Variants in GRM8 observed in about 807,000 individuals in gnomAD.
GRM8 encodes the protein metabotropic glutamate receptor 8.
Under a neutral mutation model 87.2 loss-of-function variants are expected in GRM8, and 47 were observed. That is an observed-to-expected ratio of 0.54 (90% CI 0.43 to 0.69). The LOEUF is 0.69. GRM8 is among the 30% of genes least tolerant of loss of function. The probability of loss-of-function intolerance (pLI) is 0.00; values close to 1 mark genes in which losing one functional copy is unlikely to be tolerated. For missense variants in GRM8, 1,019 were observed against 1,139.2 expected (o/e 0.89, Z 1.52); for synonymous variants, 396 against 404.5 (o/e 0.98, Z 0.25).
chr7:126,834,231 G>T (rs997307721), intron 6 of GRM8, among the ~76,000 whole-genome samples: 3 of 152,060 alleles, frequency 2.0e-5, no homozygotes, highest in African/African-American at 7.2e-5. Flanking sequence ...GAGGCAAAAG[G>T]AAAACACCTG....
chr7:126,834,158 T>C (rs1795642500), intron 6 of GRM8, among the ~76,000 whole-genome samples: 1 of 152,214 alleles, frequency 6.6e-6, no homozygotes, highest in African/African-American at 2.4e-5. Context: ...ATAGATGTAC[T>C]CAGTGTCCAA....
chr7:127,140,388 CTG>C (rs1828197809), intron 2 of GRM8, among the ~76,000 whole-genome samples: 2 of 152,162 alleles, frequency 1.3e-5, no homozygotes, highest in Non-Finnish European at 1.5e-5. Flanking sequence ...TTGAGAAACA[CTG>C]TTCTATTTTC....
intron 7 of GRM8, among the ~76,000 whole-genome samples, chr7:126,693,672 T>A (rs1006474042): frequency 4.6e-5 from 7 of 152,170 alleles, no homozygotes; most frequent in Non-Finnish European, 1.0e-4. Context: ...TTGGAAGTAG[T>A]GTTTCTGAAC....
intron 8 of GRM8, among the ~76,000 whole-genome samples, chr7:126,572,116 A>T (rs956148087): frequency 2.6e-5 from 4 of 152,198 alleles, no homozygotes; most frequent in African/African-American, 9.7e-5. Flanking sequence ...CTGGTCTTGG[A>T]AGACACTGAA....
At chr7:126,571,874 G>T (rs1325364403) in intron 8 of GRM8, among the ~76,000 whole-genome samples, 1 of 151,902 alleles carries the variant, frequency 6.6e-6, no homozygotes, top group African/African-American at 2.4e-5. Context: ...CCGAGTAGCT[G>T]GGATTACAGA....
At chr7:126,728,609 A>G (rs1312837127) in intron 7 of GRM8, among the ~76,000 whole-genome samples, 1 of 152,202 alleles carries the variant, frequency 6.6e-6, no homozygotes, top group Admixed American at 6.6e-5. Context: ...ATAAGAAAAT[A>G]AAAACATACA....
At chr7:126,473,429 C>T (rs564322958) in intron 9 of GRM8, among the ~76,000 whole-genome samples, 37 of 152,244 alleles carry the variant, frequency 2.4e-4, no homozygotes, top group Middle Eastern at 3.4e-3. Flanking sequence ...TTCATTTTGG[C>T]GAATTTCTCC....
chr7:127,115,208 ACC>A (rs1826628922), intron 2 of GRM8, among the ~76,000 whole-genome samples: 1 of 152,112 alleles, frequency 6.6e-6, no homozygotes, highest in African/African-American at 2.4e-5. Context: ...GCACAAAGGA[ACC>A]TTCCACGGCA....
chr7:127,175,806 G>A (rs779229453), intron 2 of GRM8, among the ~76,000 whole-genome samples: 2 of 151,970 alleles, frequency 1.3e-5, no homozygotes, highest in Non-Finnish European at 2.9e-5. Context: ...ACTACCCTGA[G>A]GGAATTCATT....
At chr7:126,668,297 A>C (rs554921801) in intron 7 of GRM8, among the ~76,000 whole-genome samples, 2 of 152,244 alleles carry the variant, frequency 1.3e-5, no homozygotes, top group Non-Finnish European at 2.9e-5. Flanking sequence ...CCCCATCGCT[A>C]GCTGAACTAA....
At chr7:126,965,980 G>A (rs1809810099) in intron 3 of GRM8, among the ~76,000 whole-genome samples, 1 of 151,616 alleles carries the variant, frequency 6.6e-6, no homozygotes, top group Non-Finnish European at 1.5e-5. Context: ...CACAATGTGT[G>A]GCCATAGGAA....
intron 7 of GRM8, among the ~76,000 whole-genome samples, chr7:126,690,860 C>T (rs1808727419): frequency 6.6e-6 from 1 of 152,142 alleles, no homozygotes; most frequent in Non-Finnish European, 1.5e-5. Flanking sequence ...CCTCTCTGAC[C>T]AAATGATGGT....
intron 8 of GRM8, among the ~76,000 whole-genome samples, chr7:126,587,390 C>T (rs62477865): frequency 0.13 from 19,546 of 152,042 alleles, 1,560 homozygotes; most frequent in South Asian, 0.17. Flanking sequence ...ATGTTTATTG[C>T]GGCACTATTC....
intron 2 of GRM8, among the ~76,000 whole-genome samples, chr7:127,131,613 A>C (rs1288424930): frequency 6.6e-6 from 1 of 152,194 alleles, no homozygotes; most frequent in African/African-American, 2.4e-5. Flanking sequence ...GGTATCTCAC[A>C]GTCCCAAGTT....
intron 7 of GRM8, among the ~76,000 whole-genome samples, chr7:126,626,767 C>T (rs62477903): frequency 0.31 from 46,852 of 152,072 alleles, 8,090 homozygotes; most frequent in East Asian, 0.43. Context: ...TGCCTGTAAT[C>T]CTAGCATTTG....
At position 126,816,969 on chromosome 7, in the gene GRM8, A is replaced by G. The variant is rs1429234807; in HGVS notation, c.1157-46904T>C. On this transcript the variant is annotated intron_variant, in intron 6 of 10. Coordinates refer to ENST00000339582, the MANE Select transcript of GRM8 (RefSeq NM_000845.3). The stretch of plus-strand genomic sequence containing the variant: ...TTTCATTTGTAATATTTCATTATAT[A>G]TCTTTAAGAAATAAAGACTCTTATG... Among the ~76,000 whole-genome samples the G allele has an allele frequency of 3.3e-5, 5 of 152,044 alleles. No individual in the cohort carries two copies. The East Asian group carries it at 7.7e-4, about 23-fold the overall frequency.
intron 7 of GRM8, among the ~76,000 whole-genome samples, chr7:126,616,006 A>G (rs147797731): frequency 0.32 from 48,560 of 151,948 alleles, 8,372 homozygotes; most frequent in East Asian, 0.43. Context: ...AATTGAACTC[A>G]GCTCTGCACA....
chr7:127,044,696 A>T (rs1045126180), intron 3 of GRM8, among the ~76,000 whole-genome samples: 7 of 152,136 alleles, frequency 4.6e-5, no homozygotes, highest in Admixed American at 3.3e-4. Flanking sequence ...AGGCAGGCTG[A>T]GGGCAATATA....
At chr7:126,929,098 A>G (rs919359537) in intron 3 of GRM8, among the ~76,000 whole-genome samples, 5 of 152,244 alleles carry the variant, frequency 3.3e-5, no homozygotes, top group African/African-American at 9.6e-5. Flanking sequence ...AACGAAAGGA[A>G]CAAGAAAAAG....
Sources: gnomAD v4.1 joint callset for allele counts (sites outside exome capture counted in the v4.1 genomes callset) on GRCh38, gnomAD v4.1.1 for gene constraint, MANE v1.5 for transcripts, NCBI Gene and HGNC (gene_info 2026-07-23, HGNC 2026-07-21) for gene names.